The following DNAAF5 variants were observed in gnomAD, a reference collection of about 807,000 sequenced individuals.
DNAAF5 encodes dynein axonemal assembly factor 5, also known as HEAT repeat containing 2.
In DNAAF5, 64 loss-of-function variants were observed where a neutral mutation model predicts 75.8. The observed-to-expected ratio is 0.84, with a 90% CI of 0.69 to 1.04. The LOEUF (loss-of-function observed/expected upper bound fraction) is 1.04, where lower values mean the gene tolerates loss of function less well. DNAAF5 is among the 50% of genes least tolerant of loss of function. The pLI is 0.00. For missense variants in DNAAF5, 1,269 were observed against 1,178.5 expected (o/e 1.08, Z -1.12); for synonymous variants, 657 against 557.2 (o/e 1.18, Z -2.52).
intron 4 of DNAAF5, among the ~76,000 whole-genome samples, chr7:748,483 C>T (rs1782187983): frequency 6.6e-6 from 1 of 152,186 alleles, no homozygotes; most frequent in Admixed American, 6.5e-5. Flanking sequence ...TTTCTGAGTG[C>T]GGAGTTTGAG....
At chr7:774,637 C>T (rs935195773) in intron 10 of DNAAF5, among the ~76,000 whole-genome samples, 11 of 152,102 alleles carry the variant, frequency 7.2e-5, no homozygotes. Context: ...TCCTGGTCGC[C>T]GCCCGGCGGG....
chr7:776,785 C>A (rs1778775085), intron 11 of DNAAF5, among the ~76,000 whole-genome samples: 1 of 152,216 alleles, frequency 6.6e-6, no homozygotes, highest in African/African-American at 2.4e-5. Context: ...GGGCCCCCGC[C>A]ACCCAGGCCA....
chr7:733,854 A>T (rs1781656764), intron 2 of DNAAF5, among the ~76,000 whole-genome samples: 1 of 152,020 alleles, frequency 6.6e-6, no homozygotes. Flanking sequence ...TAGGTATCTT[A>T]TTTTGTTTGT....
intron 12 of DNAAF5, among the ~76,000 whole-genome samples, chr7:782,693 G>C (rs1192177200): frequency 3.3e-5 from 3 of 90,132 alleles, no homozygotes; most frequent in African/African-American, 9.8e-5. Flanking sequence ...GCCGCCTCCC[G>C]TCACGCAGCG....
intron 8 of DNAAF5, among the ~76,000 whole-genome samples, chr7:767,546 C>G (rs1778353698): frequency 6.6e-6 from 1 of 152,192 alleles, no homozygotes; most frequent in South Asian, 2.1e-4. Context: ...AATGATATTT[C>G]CATAGAAGAA....
At position 757,467 on chromosome 7, in the gene DNAAF5, C is replaced by T. The variant is rs150112885; in HGVS notation, c.1470+473C>T. Among the ~76,000 whole-genome samples, 461 of 151,818 alleles carry T rather than the reference C, an allele frequency of 3.0e-3. 1 individual carries two copies. Among genetic ancestry groups the T allele is most frequent in the African/African-American group, 0.01 (432 of 41,572 alleles). ...CCATCCAGTCCCCAGGGTACCTGCA[C>T]AGATCGCACGTCCTCAGGGGGCACT... On this transcript the variant is annotated intron_variant, in intron 6 of 12. Transcript: ENST00000297440.
intron 2 of DNAAF5, among the ~76,000 whole-genome samples, chr7:735,752 T>C (rs1356298464): frequency 6.6e-6 from 1 of 152,188 alleles, no homozygotes; most frequent in East Asian, 1.9e-4. Flanking sequence ...ATTTTGTTGG[T>C]CTTTTGTATT....
chr7:742,926 A>G (rs1781960283), intron 4 of DNAAF5, among the ~76,000 whole-genome samples: 1 of 152,228 alleles, frequency 6.6e-6, no homozygotes, highest in Non-Finnish European at 1.5e-5. Flanking sequence ...CCCAGCTCAA[A>G]TCAGATGCAC....
intron 8 of DNAAF5, among the ~76,000 whole-genome samples, chr7:767,275 C>T (rs997259347): frequency 5.2e-5 from 5 of 96,882 alleles, no homozygotes; most frequent in Non-Finnish European, 1.1e-4. Flanking sequence ...GGTCCCATTT[C>T]TTCATTTATC....
chr7:761,542 G>A (rs867882920), intron 6 of DNAAF5, among the ~76,000 whole-genome samples: 1 of 152,260 alleles, frequency 6.6e-6, no homozygotes, highest in African/African-American at 2.4e-5. Context: ...AGAGTGTGCA[G>A]GGGAACTGCC....
At chr7:774,220 C>T (rs750193628) in intron 10 of DNAAF5, 22 bp downstream of exon 10, 8 of 1,587,680 alleles carry the variant, frequency 5.0e-6, no homozygotes, top group Middle Eastern at 1.7e-4. Context: ...CCTGCGTGCT[C>T]GGTGGACACC....
intron 1 of DNAAF5, among the ~76,000 whole-genome samples, chr7:728,782 C>T (rs1043955667): frequency 2.0e-5 from 3 of 152,170 alleles, no homozygotes; most frequent in Non-Finnish European, 4.4e-5. Context: ...GACTGTGCCT[C>T]TGCCTGGAGC....
intron 4 of DNAAF5, among the ~76,000 whole-genome samples, chr7:743,119 C>T (rs1781966807): frequency 6.6e-6 from 1 of 152,192 alleles, no homozygotes; most frequent in Non-Finnish European, 1.5e-5. Flanking sequence ...ATCCCAACTA[C>T]GCGGGGGGCC....
At chr7:777,473 A>G (rs956279852) in intron 11 of DNAAF5, among the ~76,000 whole-genome samples, 1 of 150,794 alleles carries the variant, frequency 6.6e-6, no homozygotes, top group African/African-American at 2.4e-5. Context: ...TAAAGAACAG[A>G]TGGAAACGGA....
intron 12 of DNAAF5, among the ~76,000 whole-genome samples, chr7:783,455 T>G (rs886157170): frequency 1.3e-5 from 2 of 152,062 alleles, no homozygotes; most frequent in Non-Finnish European, 2.9e-5. Context: ...TGGCTTTGAC[T>G]CACAGACCCT....
At chr7:733,193 TA>T (rs1243455887) in intron 2 of DNAAF5, among the ~76,000 whole-genome samples, 1 of 152,242 alleles carries the variant, frequency 6.6e-6, no homozygotes, top group African/African-American at 2.4e-5. Context: ...CTCTGTAGTA[TA>T]AATTGAAGTC....
At chr7:736,327 G>A (rs955673062) in intron 2 of DNAAF5, among the ~76,000 whole-genome samples, 1 of 152,206 alleles carries the variant, frequency 6.6e-6, no homozygotes, top group Non-Finnish European at 1.5e-5. Flanking sequence ...AGCTGTTACT[G>A]TGTTGGAGTC....
At chr7:740,132 G>C (rs1039969382) in intron 2 of DNAAF5, among the ~76,000 whole-genome samples, 1 of 152,164 alleles carries the variant, frequency 6.6e-6, no homozygotes, top group Admixed American at 6.5e-5. Flanking sequence ...TCCTCACCTG[G>C]CTTCTTCCTG....
chr7:761,627 AGT>A, intron 6 of DNAAF5, 124 bp from the exon 7 acceptor site: 1 of 936,808 alleles, frequency 1.1e-6, no homozygotes. Context: ...CCCATGATTC[AGT>A]TCCCTCCCAC....
Sources: gnomAD v4.1 joint callset for allele counts (sites outside exome capture counted in the v4.1 genomes callset) on GRCh38, gnomAD v4.1.1 for gene constraint, MANE v1.5 for transcripts, NCBI Gene and HGNC (gene_info 2026-07-23, HGNC 2026-07-21) for gene names.